TM4SF20: variants seen among roughly 807,000 people sequenced by gnomAD.
TM4SF20 encodes transmembrane 4 L six family member 20.
Under a neutral mutation model 15.1 loss-of-function variants are expected in TM4SF20, and 13 were observed. The observed-to-expected ratio is 0.86, with a 90% CI of 0.56 to 1.36. The LOEUF (loss-of-function observed/expected upper bound fraction) is 1.36, where lower values mean the gene tolerates loss of function less well. TM4SF20 is among the 40% of genes most tolerant of loss of function. The pLI is 0.00. For missense variants in TM4SF20, 282 were observed against 268.4 expected (o/e 1.05, Z -0.35); for synonymous variants, 92 against 96.6 (o/e 0.95, Z 0.28).
rs186127747 is a variant in TM4SF20, at chr2:227,375,518, C to T, written c.183+3568G>A. Among the ~76,000 whole-genome samples, 20 of 152,246 alleles carry T rather than the reference C, an allele frequency of 1.3e-4. No homozygotes were observed. In the East Asian group the frequency reaches 3.9e-3, roughly 29 times the overall value. On this transcript the variant is annotated intron_variant, in intron 1 of 3. Coordinates refer to ENST00000304568, the MANE Select transcript of TM4SF20 (RefSeq NM_024795.4). ...TTGTTTTTTTCTTTTGAGATGGAGT[C>T]TTGCTCTGTCACCTAGGCTGGAGTA...
intron 1 of TM4SF20, among the ~76,000 whole-genome samples, chr2:227,378,012 C>G (rs761073285): frequency 6.6e-6 from 1 of 151,828 alleles, no homozygotes; most frequent in Non-Finnish European, 1.5e-5. Flanking sequence ...AAGTCACCTC[C>G]GTGTTTTATT....
At chr2:227,378,906 G>T (rs73090155) in intron 1 of TM4SF20, among the ~76,000 whole-genome samples, 180 bp downstream of exon 1, 1 of 152,104 alleles carries the variant, frequency 6.6e-6, no homozygotes, top group Non-Finnish European at 1.5e-5. Context: ...ATACCACATA[G>T]TGTACTTTAT....
At chr2:227,369,822 TGA>T (rs1339552014) in intron 2 of TM4SF20, among the ~76,000 whole-genome samples, 2 of 152,180 alleles carry the variant, frequency 1.3e-5, no homozygotes, top group African/African-American at 2.4e-5. Context: ...CAGGGAATTG[TGA>T]GAGTCCTTAT....
At chr2:227,366,392 A>G in intron 2 of TM4SF20, 148 bp from the exon 3 acceptor site, 1 of 654,960 alleles carries the variant, frequency 1.5e-6, no homozygotes, top group Non-Finnish European at 2.6e-6. Flanking sequence ...GAATGATACA[A>G]AAAGGCAGAG....
chr2:227,379,184 G>T lies in TM4SF20; in HGVS notation c.85C>A (p.Pro29Thr), dbSNP rs141914322. 816 of 1,614,190 alleles carry T rather than the reference G, an allele frequency of 5.1e-4. 3 individuals are homozygous for T. The highest frequency in any genetic ancestry group is 6.5e-4 in the Non-Finnish European group (765 of 1,180,018). ...TCCTCAACTAAGCTGACAATTAGAGGTATCGCATTGAGAACTACTCCTAAC... is the reference window on the plus strand; with the variant it reads ...TCCTCAACTAAGCTGACAATTAGAGTTATCGCATTGAGAACTACTCCTAAC... ...LLLGVVLNAI[P>T]LIVSLVEEDQ... is the part of the protein sequence containing the mutation. Residue 29 changes from proline (P) to threonine (T), a missense_variant, in exon 1 of 4, where the codon CCT (proline) becomes ACT (threonine). By Grantham distance (38) the Pro-to-Thr change is conservative (BLOSUM62 -1). Coordinates refer to ENST00000304568, the MANE Select transcript of TM4SF20 (RefSeq NM_024795.4).
intron 1 of TM4SF20, among the ~76,000 whole-genome samples, chr2:227,376,185 G>A (rs1392361140): frequency 6.6e-6 from 1 of 152,016 alleles, no homozygotes; most frequent in Non-Finnish European, 1.5e-5. Context: ...CCCATTTTTG[G>A]TAACAATACT....
At chr2:227,369,912 T>C (rs1436331998) in intron 2 of TM4SF20, among the ~76,000 whole-genome samples, 1 of 152,184 alleles carries the variant, frequency 6.6e-6, no homozygotes, top group Non-Finnish European at 1.5e-5. Context: ...AAAATCCACT[T>C]ACTAGTGTGC....
At chr2:227,370,779 C>T (rs900205086) in intron 2 of TM4SF20, 136 bp downstream of exon 2, 6 of 723,882 alleles carry the variant, frequency 8.3e-6, no homozygotes, top group African/African-American at 5.3e-5. Context: ...ATAAAAATAG[C>T]ATGTTTCTAA....
At chr2:227,375,763 A>G (rs1193795683) in intron 1 of TM4SF20, among the ~76,000 whole-genome samples, 1 of 152,200 alleles carries the variant, frequency 6.6e-6, no homozygotes. Flanking sequence ...TGCTGGGATT[A>G]CAGACATGAG....
chr2:227,380,424 A>G (rs933383875), upstream of TM4SF20, among the ~76,000 whole-genome samples: 1 of 152,204 alleles, frequency 6.6e-6, no homozygotes, highest in Non-Finnish European at 1.5e-5. Context: ...CTAGACTTAG[A>G]CCTAGACCTA....
upstream of TM4SF20, among the ~76,000 whole-genome samples, chr2:227,381,318 A>T (rs2076479103): frequency 6.6e-6 from 1 of 152,100 alleles, no homozygotes; most frequent in African/African-American, 2.4e-5. Flanking sequence ...CACAACACAC[A>T]AAACACCGAG....
intron 1 of TM4SF20, among the ~76,000 whole-genome samples, chr2:227,371,293 T>A (rs1368154551): frequency 6.6e-6 from 1 of 152,218 alleles, no homozygotes; most frequent in Non-Finnish European, 1.5e-5. Context: ...TATACATTAT[T>A]TTTGGAAGAA....
rs57148409 is a variant in TM4SF20 at position 227,369,427 on chromosome 2, C to CTTTTT, written c.249+1483_249+1487dup. Among the ~76,000 whole-genome samples the CTTTTT allele has an allele frequency of 2.7e-4, 34 of 125,274 alleles. 1 individual carries two copies. Among genetic ancestry groups the CTTTTT allele is most frequent in the Non-Finnish European group, 3.2e-4 (20 of 62,438 alleles). 82.2% of individuals were successfully genotyped at this position (125,274 alleles called of 152,430 possible). A position where few individuals can be genotyped will look rare whatever the true frequency, so the allele number is the denominator to read the frequency against. ...AGATAATTCTAATATCCCCATCTGT[C>CTTTTT]TTTTTTTTTTTTTTTTTTGAGAGAG... On this transcript the variant is annotated intron_variant, in intron 2 of 3. Transcript: ENST00000304568.
At chr2:227,364,661 A>G (rs1053585305) in intron 3 of TM4SF20, among the ~76,000 whole-genome samples, 2 of 152,212 alleles carry the variant, frequency 1.3e-5, no homozygotes, top group Non-Finnish European at 2.9e-5. Context: ...GGAAAACAAC[A>G]GTATTTTCAG....
intron 1 of TM4SF20, among the ~76,000 whole-genome samples, chr2:227,378,338 C>T (rs1357342893): frequency 6.6e-6 from 1 of 152,164 alleles, no homozygotes; most frequent in African/African-American, 2.4e-5. Context: ...ATGCGTCCTA[C>T]CCAGGCCTAC....
intron 1 of TM4SF20, among the ~76,000 whole-genome samples, chr2:227,377,239 A>G (rs1338247376): frequency 6.6e-6 from 1 of 152,192 alleles, no homozygotes; most frequent in Non-Finnish European, 1.5e-5. Context: ...GGAAATTGCT[A>G]TCGTTAAGTC....
intron 1 of TM4SF20, among the ~76,000 whole-genome samples, chr2:227,376,627 C>T (rs769609184): frequency 3.4e-4 from 51 of 152,160 alleles, no homozygotes; most frequent in African/African-American, 8.4e-4. Flanking sequence ...AGCTGTAGAA[C>T]GAGGAAGTTC....
intron 3 of TM4SF20, among the ~76,000 whole-genome samples, chr2:227,364,874 T>G (rs2076383438): frequency 6.6e-6 from 1 of 152,206 alleles, no homozygotes; most frequent in African/African-American, 2.4e-5. Flanking sequence ...GGTAGAAATC[T>G]TTAACCCTTT....
At chr2:227,379,529 G>A (rs906086491), upstream of TM4SF20, among the ~76,000 whole-genome samples, 12 of 152,116 alleles carry the variant, frequency 7.9e-5, no homozygotes, top group South Asian at 2.1e-4. Flanking sequence ...ATAGGCTTAC[G>A]ATAAGCTCCT....
Sources: allele counts gnomAD v4.1 joint callset (sites outside exome capture counted in the v4.1 genomes callset), GRCh38; gene constraint gnomAD v4.1.1; transcripts MANE v1.5; gene names NCBI Gene and HGNC (gene_info 2026-07-23, HGNC 2026-07-21).